The following DLG3 variants were observed in gnomAD, a reference collection of about 807,000 sequenced individuals.
DLG3 encodes the protein disks large homolog 3.
DLG3 carries 1 observed loss-of-function variant against 64.1 expected under a neutral mutation model. The ratio of observed to expected loss-of-function variants is 0.02; its 90% CI spans 0.01 to 0.07. DLG3 has a LOEUF of 0.07. Ranked by LOEUF, DLG3 falls within the 10% of genes least tolerant of loss-of-function variation. The pLI, the probability that DLG3 is intolerant of heterozygous loss-of-function variation, is 1.00. For synonymous variants in DLG3, 245 were observed against 259.8 expected (o/e 0.94, Z 0.55); for missense variants, 429 against 669.5 (o/e 0.64, Z 3.96).
Position 70,475,963 on chromosome X carries a change from A to C in DLG3, c.1406-3187A>C, listed in dbSNP as rs148457887. On this transcript the variant is annotated intron_variant, in intron 9 of 18. Coordinates refer to ENST00000374360, the MANE Select transcript of DLG3 (RefSeq NM_021120.4). ...TCCAATTCTGTAAGTTAAGACCAGC[A>C]GCTCCAAACTTTATCAGAATCACAC... is the stretch of plus-strand genomic sequence containing the variant. 6.5e-3 allele frequency among the ~76,000 whole-genome samples: 725 copies of C among 112,018 alleles called. 6 individuals are homozygous for C. Among genetic ancestry groups the C allele is most frequent in the African/African-American group, 0.021 (654 of 30,847 alleles).
At chrX:70,446,223 T>TGGCTG (rs1239962465) in intron 1 of DLG3, among the ~76,000 whole-genome samples, 1 of 110,976 alleles carries the variant, frequency 9.0e-6, no homozygotes, top group Non-Finnish European at 1.9e-5. Flanking sequence ...TGTGAGCATG[T>TGGCTG]GGCTGCAAGA....
intron 9 of DLG3, among the ~76,000 whole-genome samples, chrX:70,477,715 GTGA>G (rs1367656925): frequency 8.9e-6 from 1 of 112,126 alleles, no homozygotes; most frequent in Non-Finnish European, 1.9e-5. Flanking sequence ...ACACCGGCGT[GTGA>G]TGAATGAAAG....
At chrX:70,493,459 G>A in intron 12 of DLG3, 1 of 1,205,795 alleles carries the variant, frequency 8.3e-7, no homozygotes. Context: ...TGGCCCAGGA[G>A]AGCAGCATAC....
At position 70,455,374 on chromosome X, in the gene DLG3, C is replaced by T. The variant is rs1315537674; in HGVS notation, c.1405+1058C>T. 3 of 745,754 alleles carry T rather than the reference C, an allele frequency of 4.0e-6. No homozygotes were observed. In the African/African-American group the frequency reaches 7.0e-5, roughly 17 times the overall value. 61.5% of individuals were successfully genotyped at this position (745,754 alleles called of 1,213,427 possible). On this transcript the variant is annotated intron_variant, in intron 9 of 18. Transcript: ENST00000374360. ...TGCGTGCCCCAATTCTGCCCTCTCC[C>T]TCGAATGCCTTCGTTGCGTGCCCCC... is the stretch of plus-strand genomic sequence containing the variant.
At chrX:70,468,688 A>G (rs1445057876) in intron 9 of DLG3, among the ~76,000 whole-genome samples, 1 of 111,764 alleles carries the variant, frequency 8.9e-6, no homozygotes, top group Non-Finnish European at 1.9e-5. Flanking sequence ...ATATTTGCCC[A>G]TTGAAGCCTA....
intron 7 of DLG3, 191 bp downstream of exon 7, chrX:70,452,217 G>A: frequency 9.2e-7 from 1 of 1,081,740 alleles, no homozygotes; most frequent in East Asian, 3.3e-5. Context: ...AGTGGCTGCA[G>A]GGACAAGCTC....
At chrX:70,500,295 A>G (rs748007709) in intron 16 of DLG3, among the ~76,000 whole-genome samples, 176 bp from the exon 17 acceptor site, 1 of 111,271 alleles carries the variant, frequency 9.0e-6, no homozygotes, top group Non-Finnish European at 1.9e-5. Flanking sequence ...ATAGGAGCAA[A>G]AAGTAGGGCC....
chrX:70,479,288 G>T, intron 10 of DLG3, 24 bp downstream of exon 10: 11 of 1,120,407 alleles, frequency 9.8e-6, no homozygotes, highest in Non-Finnish European at 1.4e-5. Flanking sequence ...CAGAGCACTA[G>T]CCCTTGTGCT....
intron 9 of DLG3, 110 bp from the exon 10 acceptor site, chrX:70,479,040 G>A: frequency 1.5e-6 from 1 of 667,528 alleles, no homozygotes; most frequent in East Asian, 3.2e-5. Flanking sequence ...GGCTGGCTCT[G>A]GCTGCTTTTA....
intron 9 of DLG3, among the ~76,000 whole-genome samples, chrX:70,463,327 A>G (rs1314456761): frequency 9.1e-6 from 1 of 109,429 alleles, no homozygotes; most frequent in Admixed American, 9.9e-5. Context: ...TTTTATATCT[A>G]GTAGAGATGA....
chrX:70,500,524 A>G lies in DLG3; in HGVS notation c.2199A>G (p.Gln733=), dbSNP rs2087536149. Residue 733 remains glutamine (Q), a synonymous_variant, in exon 17 of 19, where the codon CAA becomes CAG. Coordinates refer to ENST00000374360, the MANE Select transcript of DLG3 (RefSeq NM_021120.4). The part of the protein sequence containing the change: ...VSGNAIKRLQ[Q]AQLYPIAIFI... ...GCAATGCTATCAAGAGACTGCAGCAAGCACAACTTTACCCCATTGCCATTT... is the reference window on the plus strand; with the variant it reads ...GCAATGCTATCAAGAGACTGCAGCAGGCACAACTTTACCCCATTGCCATTT... 1 of 1,209,327 alleles carries G rather than the reference A, an allele frequency of 8.3e-7. No homozygotes were observed. Among genetic ancestry groups the G allele is most frequent in the Admixed American group, 2.2e-5 (1 of 45,623 alleles).
intron 9 of DLG3, among the ~76,000 whole-genome samples, chrX:70,467,343 C>T (rs1402367407): frequency 8.9e-6 from 1 of 112,344 alleles, no homozygotes; most frequent in Non-Finnish European, 1.9e-5. Flanking sequence ...TCCATCATTT[C>T]TCTGCATTTT....
At position 70,445,113 on chromosome X, in the gene DLG3, CCGGCGGCGGCGGCGGCGGTGGTGGCGG is replaced by C; in HGVS notation, c.-85_-59del. 2 of 751,357 alleles carry C rather than the reference CCGGCGGCGGCGGCGGCGGTGGTGGCGG, an allele frequency of 2.7e-6. No individual in the cohort carries two copies. Among genetic ancestry groups the C allele is most frequent in the Non-Finnish European group, 3.7e-6 (2 of 538,967 alleles). 61.9% of individuals were successfully genotyped at this position (751,357 alleles called of 1,213,427 possible). A position where few individuals can be genotyped will look rare whatever the true frequency, so the allele number is the denominator to read the frequency against. The stretch of plus-strand genomic sequence containing the variant: ...GAGCAGTGTGAGTGTGCCAGGGAGC[CCGGCGGCGGCGGCGGCGGTGGTGGCGG>C]CGGTGGCGGCGGCGTGGAATCCGGC... On this transcript the variant is annotated 5_prime_UTR_variant, in exon 1 of 19. Coordinates refer to ENST00000374360, the MANE Select transcript of DLG3 (RefSeq NM_021120.4).
At chrX:70,469,667 C>T (rs997828608) in intron 9 of DLG3, among the ~76,000 whole-genome samples, 10 of 110,486 alleles carry the variant, frequency 9.1e-5, no homozygotes, top group African/African-American at 3.0e-4. Flanking sequence ...AGGCTGGTCT[C>T]GAACTCCTGA....
intron 10 of DLG3, among the ~76,000 whole-genome samples, chrX:70,484,986 T>C (rs750876693): frequency 1.8e-5 from 2 of 112,361 alleles, no homozygotes; most frequent in Non-Finnish European, 3.7e-5. Context: ...CAAGGGCTGA[T>C]GAGTGACTGT....
Position 70,482,295 on chromosome X carries a change from T to A in DLG3, c.1520+3031T>A, listed in dbSNP as rs2087168462. ...CTAAAGCAATAATCTGAACATGATC[T>A]GCTCAAAAGCTTTCACTAGTTCCTC... On this transcript the variant is annotated intron_variant, in intron 10 of 18. Coordinates refer to ENST00000374360, the MANE Select transcript of DLG3 (RefSeq NM_021120.4). 3.6e-5 allele frequency among the ~76,000 whole-genome samples: 4 copies of A among 112,537 alleles called. No homozygotes were observed. In the South Asian group the frequency reaches 1.5e-3, roughly 41 times the overall value.
At chrX:70,454,405 A>G in intron 9 of DLG3, 89 bp downstream of exon 9, 6 of 779,205 alleles carry the variant, frequency 7.7e-6, no homozygotes, top group Non-Finnish European at 1.2e-5. Context: ...TAACAAAGCC[A>G]CTTGACCAGG....
chrX:70,500,368 C>T, intron 16 of DLG3, 103 bp from the exon 17 acceptor site: 6 of 661,072 alleles, frequency 9.1e-6, no homozygotes, highest in South Asian at 2.3e-5. Context: ...CCTCCCCTCA[C>T]CCCCACCCCC....
intron 1 of DLG3, among the ~76,000 whole-genome samples, chrX:70,447,577 G>A (rs769692704): frequency 1.4e-4 from 16 of 112,025 alleles, no homozygotes; most frequent in African/African-American, 3.6e-4. Context: ...GAGGTGGGAC[G>A]GGGGAAGCAC....
Sources: gnomAD v4.1 joint callset for allele counts (sites outside exome capture counted in the v4.1 genomes callset) on GRCh38, gnomAD v4.1.1 for gene constraint, MANE v1.5 for transcripts, NCBI Gene and HGNC (gene_info 2026-07-23, HGNC 2026-07-21) for gene names.